CTNNA2: variants seen among roughly 807,000 people sequenced by gnomAD.
The protein encoded by CTNNA2 is catenin alpha 2.
CTNNA2 carries 42 observed loss-of-function variants against 101.0 expected under a neutral mutation model. That is an observed-to-expected ratio of 0.42 (90% CI 0.32 to 0.54). The LOEUF (loss-of-function observed/expected upper bound fraction) is 0.54. CTNNA2 is among the 20% of genes least tolerant of loss of function. The probability of loss-of-function intolerance (pLI) is 0.14; values close to 1 mark genes in which losing one functional copy is unlikely to be tolerated. For synonymous variants in CTNNA2, 450 were observed against 456.4 expected, an observed-to-expected ratio of 0.99 and a Z score of 0.18; for missense variants, 871 against 1,223.1, an observed-to-expected ratio of 0.71 and a Z score of 4.29.
At chr2:80,087,859 C>CCTCT (rs200245039) in intron 7 of CTNNA2, among the ~76,000 whole-genome samples, 1 of 151,026 alleles carries the variant, frequency 6.6e-6, no homozygotes. Flanking sequence ...TTGGTTTATT[C>CCTCT]CTCTCTCTCT....
At chr2:80,444,333 T>C (rs1682880523) in intron 9 of CTNNA2, among the ~76,000 whole-genome samples, 1 of 152,170 alleles carries the variant, frequency 6.6e-6, no homozygotes, top group East Asian at 1.9e-4. Flanking sequence ...TAGGCATAAA[T>C]ATTAGAACAA....
intron 4 of CTNNA2, among the ~76,000 whole-genome samples, chr2:79,420,602 A>G (rs1302785554): frequency 6.6e-6 from 1 of 152,166 alleles, no homozygotes; most frequent in Non-Finnish European, 1.5e-5. Context: ...ATCAATTATT[A>G]GATATTAAAC....
rs1313871295 is a variant in CTNNA2 at position 79,285,079 on chromosome 2, T to C, written c.-405-27630T>C. On this transcript the variant is annotated intron_variant, in intron 2 of 21. Transcript: ENST00000466387. ...GTTTGTAGTATTCTCTGATGGTAGT[T>C]TGTATTTCTGTGGGATCGGTGGTGA... Among the ~76,000 whole-genome samples, 3 of 149,638 alleles carry C rather than the reference T, an allele frequency of 2.0e-5. No individual in the cohort carries two copies. In the Admixed American group the frequency reaches 2.0e-4, roughly 10 times the overall value.
At chr2:79,976,081 C>T (rs926756984) in intron 7 of CTNNA2, among the ~76,000 whole-genome samples, 14 of 152,292 alleles carry the variant, frequency 9.2e-5, no homozygotes, top group Admixed American at 5.2e-4. Context: ...ACAATAGACA[C>T]TCATCACTCT....
chr2:79,959,074 G>A (rs76889394), intron 7 of CTNNA2, among the ~76,000 whole-genome samples: 20 of 149,366 alleles, frequency 1.3e-4, no homozygotes, highest in Non-Finnish European at 2.4e-4. Context: ...TTTCTTTTCT[G>A]GAGGCAGGGT....
chr2:80,221,169 C>T (rs952630590), intron 7 of CTNNA2, among the ~76,000 whole-genome samples: 5 of 152,240 alleles, frequency 3.3e-5, no homozygotes, highest in African/African-American at 1.2e-4. Context: ...AGGCGTGAGC[C>T]ACCTTGCCCA....
chr2:80,212,319 G>A (rs1707947504), intron 7 of CTNNA2, among the ~76,000 whole-genome samples: 1 of 152,132 alleles, frequency 6.6e-6, no homozygotes, highest in Non-Finnish European at 1.5e-5. Context: ...AATGCTTCAA[G>A]TTTTTGCCCA....
intron 7 of CTNNA2, among the ~76,000 whole-genome samples, chr2:80,031,282 GTA>G (rs1341535497): frequency 6.6e-6 from 1 of 152,184 alleles, no homozygotes; most frequent in African/African-American, 2.4e-5. Context: ...AGGAGAGTGT[GTA>G]TTAGTCCATT....
chr2:80,110,013 G>A lies in CTNNA2; in HGVS notation c.1056+200216G>A, dbSNP rs146564245. ...TTGATTGTGTGCGCACTGCGTTACC[G>A]TAGGATCCCATTCACAGTGTTGTCA... On this transcript the variant is annotated intron_variant, in intron 7 of 18. Coordinates refer to ENST00000402739, the MANE Select transcript of CTNNA2 (RefSeq NM_001282597.3). Among the ~76,000 whole-genome samples the A allele has an allele frequency of 6.0e-4, 92 of 152,256 alleles. 1 individual carries two copies. The highest frequency in any genetic ancestry group is 2.1e-3 in the African/African-American group (86 of 41,552).
chr2:79,902,690 G>A (rs1298749197), intron 6 of CTNNA2, among the ~76,000 whole-genome samples: 1 of 150,602 alleles, frequency 6.6e-6, no homozygotes, highest in African/African-American at 2.5e-5. Flanking sequence ...GCAGTGGTGC[G>A]AGCTCAGCTC....
intron 1 of CTNNA2, among the ~76,000 whole-genome samples, chr2:79,197,528 C>A (rs2104172803): frequency 6.6e-6 from 1 of 151,332 alleles, no homozygotes; most frequent in Middle Eastern, 3.4e-3. Flanking sequence ...CAGAGTTCTA[C>A]CATAATGTAT....
chr2:79,192,397 A>G (rs1673886472), intron 1 of CTNNA2, among the ~76,000 whole-genome samples: 1 of 152,166 alleles, frequency 6.6e-6, no homozygotes, highest in Non-Finnish European at 1.5e-5. Context: ...CCTCACTTAC[A>G]TAAATGAGAC....
At chr2:79,736,138 C>T (rs1413424508) in intron 2 of CTNNA2, among the ~76,000 whole-genome samples, 4 of 152,106 alleles carry the variant, frequency 2.6e-5, no homozygotes, top group African/African-American at 9.7e-5. Context: ...TTGTCACCTC[C>T]CTTTGCGTCA....
At chr2:79,492,818 A>C (rs1170585708) in intron 4 of CTNNA2, among the ~76,000 whole-genome samples, 1 of 152,208 alleles carries the variant, frequency 6.6e-6, no homozygotes. Context: ...TCGCCAAAAT[A>C]CTGGAAAAAT....
At chr2:79,196,135 T>C (rs1673957528) in intron 1 of CTNNA2, among the ~76,000 whole-genome samples, 1 of 152,162 alleles carries the variant, frequency 6.6e-6, no homozygotes, top group African/African-American at 2.4e-5. Context: ...GGTTTCACCA[T>C]GTTGGCCAGG....
At chr2:79,196,735 G>A (rs910218588) in intron 1 of CTNNA2, among the ~76,000 whole-genome samples, 2 of 152,158 alleles carry the variant, frequency 1.3e-5, no homozygotes, top group African/African-American at 4.8e-5. Flanking sequence ...TCACTTCTCT[G>A]CAAAGCAAAT....
chr2:80,313,471 A>G (rs1466289647), intron 7 of CTNNA2: 18 of 1,539,324 alleles, frequency 1.2e-5, no homozygotes, highest in African/African-American at 1.4e-5. Context: ...TATTCATGCT[A>G]TGGCAGAGAT....
chr2:79,873,253 T>C (rs1682726089), intron 5 of CTNNA2, among the ~76,000 whole-genome samples: 1 of 150,430 alleles, frequency 6.6e-6, no homozygotes, highest in Non-Finnish European at 1.5e-5. Context: ...CATAACTAAC[T>C]GTATGGCCCA....
At chr2:80,166,816 T>A (rs1704726303) in intron 7 of CTNNA2, among the ~76,000 whole-genome samples, 1 of 152,108 alleles carries the variant, frequency 6.6e-6, no homozygotes, top group South Asian at 2.1e-4. Flanking sequence ...GGACACTCAG[T>A]TGGTGTCTGG....
Sources: gnomAD v4.1 joint callset for allele counts (sites outside exome capture counted in the v4.1 genomes callset) on GRCh38, gnomAD v4.1.1 for gene constraint, MANE v1.5 for transcripts, NCBI Gene and HGNC (gene_info 2026-07-23, HGNC 2026-07-21) for gene names.